Variants in CNOT6L observed in about 807,000 individuals in gnomAD.
The protein encoded by CNOT6L is CCR4-NOT transcription complex subunit 6-like.
A neutral mutation model predicts 64.0 loss-of-function variants in CNOT6L; 7 were observed. The ratio of observed to expected loss-of-function variants is 0.11; its 90% CI spans 0.06 to 0.21. The LOEUF is 0.21. Among genes scored for constraint, CNOT6L ranks in the 10% least tolerant of loss-of-function variants. The pLI, the probability that CNOT6L is intolerant of heterozygous loss-of-function variation, is 1.00. For synonymous variants in CNOT6L, 193 were observed against 243.4 expected, an observed-to-expected ratio of 0.79 and a Z score of 1.93; for missense variants, 245 against 669.0, an observed-to-expected ratio of 0.37 and a Z score of 6.99.
At chr4:77,720,792 G>T in intron 11 of CNOT6L, 149 bp from the exon 12 acceptor site, 1 of 685,630 alleles carries the variant, frequency 1.5e-6, no homozygotes, top group Non-Finnish European at 2.4e-6. Context: ...ATATTCAATG[G>T]GTATTACATG....
At chr4:77,779,833 G>C (rs61402267) in intron 1 of CNOT6L, among the ~76,000 whole-genome samples, 2 of 152,044 alleles carry the variant, frequency 1.3e-5, no homozygotes, top group African/African-American at 4.8e-5. Flanking sequence ...GTGTGGTCGC[G>C]GGCGCCTGTA....
In CNOT6L at chr4:77,774,621, T is replaced by C; in HGVS notation, c.223A>G (p.Ile75Val). 1 of 1,613,688 alleles carries C rather than the reference T, an allele frequency of 6.2e-7. No individual in the cohort carries two copies. The highest frequency in any genetic ancestry group is 8.5e-7 in the Non-Finnish European group (1 of 1,179,706). ...DNYLSRIPPD[I>V]AKLHNLVYLD... The stretch of plus-strand genomic sequence containing the variant: ...TAAACCAGATTATGAAGCTTGGCAA[T>C]ATCAGGTGGAATGCGACTAAGGTAA... Residue 75 changes from isoleucine (I) to valine (V), a missense_variant, in exon 3 of 12, where the codon ATT becomes GTT. Transcript: ENST00000504123.
chr4:77,783,709 C>A (rs1032070340), intron 1 of CNOT6L, among the ~76,000 whole-genome samples: 1 of 152,046 alleles, frequency 6.6e-6, no homozygotes, highest in African/African-American at 2.4e-5. Context: ...TAAACACATA[C>A]TAGTACATTT....
chr4:77,725,019 T>C (rs755835199), intron 11 of CNOT6L, among the ~76,000 whole-genome samples: 14 of 152,152 alleles, frequency 9.2e-5, no homozygotes, highest in Admixed American at 9.2e-4. Flanking sequence ...ATCAGAGCTT[T>C]TTCCCAAAAA....
chr4:77,789,513 C>CA (rs1210380606), intron 1 of CNOT6L, among the ~76,000 whole-genome samples: 2 of 151,758 alleles, frequency 1.3e-5, no homozygotes, highest in East Asian at 1.9e-4. Context: ...CCTGTCTCTA[C>CA]AAAAAATAAA....
chr4:77,808,800 T>C (rs1732560543), intron 1 of CNOT6L, among the ~76,000 whole-genome samples: 1 of 152,174 alleles, frequency 6.6e-6, no homozygotes, highest in African/African-American at 2.4e-5. Context: ...ATATGTACTC[T>C]GTATGTCATA....
At chr4:77,789,328 A>G (rs1729826088) in intron 1 of CNOT6L, among the ~76,000 whole-genome samples, 1 of 151,668 alleles carries the variant, frequency 6.6e-6, no homozygotes, top group South Asian at 2.1e-4. Flanking sequence ...CCCCAATGCA[A>G]TCATTTAGTC....
intron 8 of CNOT6L, among the ~76,000 whole-genome samples, chr4:77,738,481 C>G (rs1040157275): frequency 2.6e-5 from 4 of 152,096 alleles, no homozygotes; most frequent in Admixed American, 2.6e-4. Flanking sequence ...CGGCCAGGCG[C>G]GGTTGCTCAC....
At chr4:77,726,486 G>C in intron 10 of CNOT6L, 117 bp from the exon 11 acceptor site, 2 of 740,696 alleles carry the variant, frequency 2.7e-6, no homozygotes, top group South Asian at 2.2e-5. Flanking sequence ...CTTAGGTTGA[G>C]CCATATAAAA....
At chr4:77,751,684 T>TGACA (rs1724881578) in intron 5 of CNOT6L, among the ~76,000 whole-genome samples, 1 of 152,164 alleles carries the variant, frequency 6.6e-6, no homozygotes, top group South Asian at 2.1e-4. Flanking sequence ...TCAACTCAAA[T>TGACA]GACACTAGAT....
At chr4:77,735,309 C>T (rs1198453700) in intron 8 of CNOT6L, among the ~76,000 whole-genome samples, 1 of 152,150 alleles carries the variant, frequency 6.6e-6, no homozygotes, top group African/African-American at 2.4e-5. Flanking sequence ...AAACTATCTC[C>T]GAGTCTTCTT....
chr4:77,713,713 A>C lies in CNOT6L; in HGVS notation c.*6718T>G, dbSNP rs1017032421. Reference sequence around the variant, plus strand: ...TCTATTGTGAAAAACATCTCAGCTGAGCAGTTTTGGTCAAGATTCAGACCT... The same window carrying C: ...TCTATTGTGAAAAACATCTCAGCTGCGCAGTTTTGGTCAAGATTCAGACCT... On this transcript the variant is annotated 3_prime_UTR_variant, in exon 12 of 12. Coordinates refer to ENST00000504123, the MANE Select transcript of CNOT6L (RefSeq NM_144571.3). 2.0e-5 allele frequency: 3 copies of C among 152,568 alleles called. No homozygotes were observed. Among genetic ancestry groups the C allele is most frequent in the Non-Finnish European group, 2.9e-5 (2 of 68,008 alleles). 9.5% of individuals were successfully genotyped at this position (152,568 alleles called of 1,614,324 possible).
intron 1 of CNOT6L, chr4:77,819,014 A>T (rs1054753335): frequency 5.0e-5 from 33 of 663,064 alleles, no homozygotes; most frequent in Non-Finnish European, 8.2e-5. Flanking sequence ...CGGGAGGGAC[A>T]CGCCACTCTG....
At chr4:77,809,038 C>T (rs1007439092) in intron 1 of CNOT6L, among the ~76,000 whole-genome samples, 5 of 152,022 alleles carry the variant, frequency 3.3e-5, no homozygotes, top group African/African-American at 9.7e-5. Context: ...CAGGTAGTGT[C>T]CTAAATACTT....
intron 4 of CNOT6L, among the ~76,000 whole-genome samples, chr4:77,772,464 CT>C (rs1002745484): frequency 1.9e-3 from 269 of 145,088 alleles, no homozygotes; most frequent in Middle Eastern, 3.6e-3. Flanking sequence ...CTAGTATTCC[CT>C]TTTTTTTTTT....
chr4:77,737,973 C>A (rs564703582), intron 8 of CNOT6L, among the ~76,000 whole-genome samples: 1 of 152,146 alleles, frequency 6.6e-6, no homozygotes, highest in African/African-American at 2.4e-5. Flanking sequence ...AACTGAGAGA[C>A]CAGTGAGATG....
intron 1 of CNOT6L, among the ~76,000 whole-genome samples, chr4:77,781,331 A>T (rs1288862852): frequency 1.3e-5 from 2 of 152,218 alleles, no homozygotes; most frequent in Non-Finnish European, 2.9e-5. Context: ...CATGTATCCC[A>T]GAACTTAAAG....
At chr4:77,740,097 C>T (rs898101698) in intron 8 of CNOT6L, among the ~76,000 whole-genome samples, 1 of 151,896 alleles carries the variant, frequency 6.6e-6, no homozygotes, top group Non-Finnish European at 1.5e-5. Context: ...TCGTCAGGCA[C>T]GGTGGCTTAC....
intron 1 of CNOT6L, among the ~76,000 whole-genome samples, chr4:77,805,513 C>G (rs1578006463): frequency 6.6e-6 from 1 of 152,218 alleles, no homozygotes; most frequent in South Asian, 2.1e-4. Context: ...TTAGCAGTAC[C>G]TGTGATTTCT....
Sources: gnomAD v4.1 joint callset for allele counts (sites outside exome capture counted in the v4.1 genomes callset) on GRCh38, gnomAD v4.1.1 for gene constraint, MANE v1.5 for transcripts, NCBI Gene and HGNC (gene_info 2026-07-23, HGNC 2026-07-21) for gene names.